The following C6orf62 variants were observed in gnomAD, a reference collection of about 807,000 sequenced individuals.
C6orf62 encodes the protein chromosome 6 open reading frame 62.
A neutral mutation model predicts 26.8 loss-of-function variants in C6orf62; 16 were observed. The ratio of observed to expected loss-of-function variants is 0.60; its 90% CI spans 0.40 to 0.91. The LOEUF is 0.91. C6orf62 is among the 40% of genes least tolerant of loss of function. The pLI is 0.00. For synonymous variants in C6orf62, 112 were observed against 91.5 expected, an observed-to-expected ratio of 1.22 and a Z score of -1.28; for missense variants, 192 against 271.4, an observed-to-expected ratio of 0.71 and a Z score of 2.06.
At chr6:24,707,957 A>T (rs1463955151) in intron 4 of C6orf62, among the ~76,000 whole-genome samples, 1 of 151,092 alleles carries the variant, frequency 6.6e-6, no homozygotes, top group Non-Finnish European at 1.5e-5. Flanking sequence ...CTTGCAGCGA[A>T]CTGAGATTGC....
Position 24,716,314 on chromosome 6 carries a change from G to T in C6orf62, c.140C>A (p.Ser47Ter). 1 of 1,613,020 alleles carries T rather than the reference G, an allele frequency of 6.2e-7. No homozygotes were observed. Among genetic ancestry groups the T allele is most frequent in the South Asian group, 1.1e-5 (1 of 91,038 alleles). ...AACCTCAGACACTTCAAAAAGTGCTGACTTTTTCTTCTAGAAGAAAAGAAA... is the reference window on the plus strand; with the variant it reads ...AACCTCAGACACTTCAAAAAGTGCTTACTTTTTCTTCTAGAAGAAAAGAAA... ...AFVFKEKKKK[S>*]ALFEVSEVIP... is the part of the protein sequence containing the mutation. The change falls in exon 2 of 5, where the codon TCA becomes TAA. Residue 47 changes from serine (S) to a stop codon, truncating the protein, a stop_gained. Coordinates refer to ENST00000378119, the MANE Select transcript of C6orf62 (RefSeq NM_030939.5). LOFTEE classifies it high-confidence loss of function.
At chr6:24,720,228 G>A (rs1020827800), upstream of C6orf62, 14 of 1,326,118 alleles carry the variant, frequency 1.1e-5, no homozygotes, top group Admixed American at 3.3e-4. Context: ...CGACTCTAGG[G>A]CGGGGTTTGG....
At chr6:24,710,246 T>G (rs1779092834) in intron 3 of C6orf62, 5 of 984,814 alleles carry the variant, frequency 5.1e-6, no homozygotes, top group Non-Finnish European at 6.0e-6. Context: ...GAATAAGATG[T>G]GGTTATCTGT....
rs1779292307 is a variant in C6orf62, at chr6:24,718,841, C to T, written c.-173G>A. ...TGCACCTTCTGTCAATATTAGCAGA[C>T]TGTCATATTACAGGGTCAAGAAACA... is the stretch of plus-strand genomic sequence containing the variant. On this transcript the variant is annotated 5_prime_UTR_variant, in exon 1 of 5. Transcript: ENST00000378119. 4.1e-6 allele frequency: 6 copies of T among 1,462,758 alleles called. 1 individual carries two copies. In the South Asian group the frequency reaches 6.9e-5, roughly 17 times the overall value. 90.6% of individuals were successfully genotyped at this position (1,462,758 alleles called of 1,614,324 possible).
intron 3 of C6orf62, chr6:24,710,408 G>T (rs779462828): frequency 3.2e-5 from 11 of 348,272 alleles, no homozygotes; most frequent in Non-Finnish European, 4.4e-5. Context: ...TGGAATACAG[G>T]CATGCACCAC....
chr6:24,716,230 C>A lies in C6orf62; in HGVS notation c.224G>T (p.Ser75Ile). Residue 75 changes from serine (S) to isoleucine (I), a missense_variant, in exon 2 of 5, where the codon AGC becomes ATC. Coordinates refer to ENST00000378119, the MANE Select transcript of C6orf62 (RefSeq NM_030939.5). ...ENILKGVRDS[S>I]YSLESSLELL... is the part of the protein sequence containing the mutation. Reference sequence around the variant, plus strand: ...CTCTAGGGAACTTTCCAAGGAATAGCTGGAATCTCGCACACCTTTCAGGAT... The same window carrying A: ...CTCTAGGGAACTTTCCAAGGAATAGATGGAATCTCGCACACCTTTCAGGAT... 1 of 1,613,526 alleles carries A rather than the reference C, an allele frequency of 6.2e-7. No homozygotes were observed. The highest frequency in any genetic ancestry group is 8.5e-7 in the Non-Finnish European group (1 of 1,179,444).
intron 3 of C6orf62, among the ~76,000 whole-genome samples, chr6:24,712,062 A>G (rs1441536035): frequency 6.6e-6 from 1 of 152,134 alleles, no homozygotes; most frequent in Admixed American, 6.6e-5. Context: ...AGTTATTTTA[A>G]GGACTGAGAT....
intron 2 of C6orf62, 54 bp downstream of exon 2, chr6:24,716,094 T>C (rs1470833300): frequency 1.5e-5 from 23 of 1,496,972 alleles, no homozygotes; most frequent in Non-Finnish European, 2.1e-5. Flanking sequence ...GGCGGGGAAA[T>C]GCAAGGTTAA....
At chr6:24,716,356 C>T (rs1277770526) in intron 1 of C6orf62, 32 bp from the exon 2 acceptor site, 2 of 1,512,326 alleles carry the variant, frequency 1.3e-6, no homozygotes, top group Non-Finnish European at 1.8e-6. Flanking sequence ...TATTAACCCA[C>T]AGGGAGCACA....
At chr6:24,718,402 G>T in intron 1 of C6orf62, 138 bp downstream of exon 1, 1 of 806,038 alleles carries the variant, frequency 1.2e-6, no homozygotes, top group Non-Finnish European at 1.9e-6. Flanking sequence ...ACCCCTAAGG[G>T]TGAAAAAACA....
At chr6:24,716,072 G>C (rs1779223484) in intron 2 of C6orf62, 76 bp downstream of exon 2, 1 of 1,263,252 alleles carries the variant, frequency 7.9e-7, no homozygotes. Flanking sequence ...CCACTTTAAG[G>C]GGGGTTCGGG....
At chr6:24,708,552 G>C (rs1273326644) in intron 4 of C6orf62, among the ~76,000 whole-genome samples, 1 of 152,030 alleles carries the variant, frequency 6.6e-6, no homozygotes, top group Non-Finnish European at 1.5e-5. Context: ...TGCCCAGGCT[G>C]GTCTGGAATT....
chr6:24,720,010 T>C, upstream of C6orf62: 8 of 1,515,946 alleles, frequency 5.3e-6, no homozygotes, highest in South Asian at 1.3e-5. Flanking sequence ...ACTTCTAAAG[T>C]AAGCCCACCC....
intron 3 of C6orf62, chr6:24,710,093 A>G (rs1779090079): frequency 3.0e-6 from 3 of 983,676 alleles, no homozygotes; most frequent in Non-Finnish European, 3.6e-6. Context: ...AATTATTAGT[A>G]TGATCATAAG....
chr6:24,707,084 A>C (rs1171010483), intron 4 of C6orf62: 1 of 152,256 alleles, frequency 6.6e-6, no homozygotes, highest in African/African-American at 2.4e-5. Flanking sequence ...AGGCAAAATA[A>C]GGACTCTGAC....
rs1310177380 is a variant in C6orf62, at chr6:24,718,427, GA to G, written c.129+112del. On this transcript the variant is annotated intron_variant, in intron 1 of 4. Transcript: ENST00000378119. Reference sequence around the variant, plus strand: ...GTGAAAAAACAGAGCATACAAAGCAGACTTTTTTTCAACCACTCTTTAACCT... The same window carrying G: ...GTGAAAAAACAGAGCATACAAAGCAGCTTTTTTTCAACCACTCTTTAACCT... The G allele has an allele frequency of 6.4e-6, 7 of 1,092,554 alleles. No individual in the cohort carries two copies. The East Asian group carries it at 1.8e-4, about 29-fold the overall frequency. 67.7% of individuals were successfully genotyped at this position (1,092,554 alleles called of 1,614,324 possible). A position where few individuals can be genotyped will look rare whatever the true frequency, so the allele number is the denominator to read the frequency against.
intron 3 of C6orf62, chr6:24,709,720 T>C (rs1434624363): frequency 1.0e-6 from 1 of 985,334 alleles, no homozygotes; most frequent in Non-Finnish European, 1.2e-6. Context: ...TTCAATCTTT[T>C]AACATGAGGA....
At chr6:24,720,441 G>A, upstream of C6orf62, 9 of 1,098,198 alleles carry the variant, frequency 8.2e-6, no homozygotes, top group Non-Finnish European at 1.0e-5. Context: ...GGGACCCATA[G>A]TCTGGCTCGG....
chr6:24,711,256 A>AC (rs879772956), intron 3 of C6orf62, among the ~76,000 whole-genome samples: 6,592 of 151,942 alleles, frequency 0.043, 396 homozygotes, highest in African/African-American at 0.13. Flanking sequence ...ACACACACAC[A>AC]AACACACACA....
Sources: gnomAD v4.1 joint callset for allele counts (sites outside exome capture counted in the v4.1 genomes callset) on GRCh38, gnomAD v4.1.1 for gene constraint, MANE v1.5 for transcripts, NCBI Gene and HGNC (gene_info 2026-07-23, HGNC 2026-07-21) for gene names.